OXCT1: variants seen among roughly 807,000 people sequenced by gnomAD.
OXCT1 encodes the protein 3-oxoacid CoA-transferase 1.
A neutral mutation model predicts 69.6 loss-of-function variants in OXCT1; 27 were observed. The ratio of observed to expected loss-of-function variants is 0.39; its 90% confidence interval spans 0.29 to 0.54. The LOEUF (loss-of-function observed/expected upper bound fraction) is 0.54. Among genes scored for constraint, OXCT1 ranks in the 20% least tolerant of loss-of-function variants. The pLI is 0.72. For missense variants in OXCT1, 437 were observed against 650.2 expected (o/e 0.67, Z 3.57); for synonymous variants, 202 against 217.8 (o/e 0.93, Z 0.64).
rs1248343824 is a variant in OXCT1, at chr5:41,870,290, G to C, written c.69C>G (p.Thr23=). ...TTCCCCCGCACTTTACCTTGTACCA[G>C]GTTGCCCCAGATCCGCGGGCAGAGG... ...LCASARGSGA[T]WYKGCVCSFS... The change falls in exon 1 of 17, where the codon ACC becomes ACG. Residue 23 remains threonine (T), a synonymous_variant. Transcript: ENST00000196371. This position sits in a 1 kb window ranked among gnomAD's most constrained non-coding sequence, Gnocchi z 4.2. 6.2e-7 allele frequency: 1 copy of C among 1,613,510 alleles called. No individual in the cohort carries two copies. Among genetic ancestry groups the C allele is most frequent in the South Asian group, 1.1e-5 (1 of 91,068 alleles).
At chr5:41,774,644 C>T (rs113596438) in intron 13 of OXCT1, among the ~76,000 whole-genome samples, 14,563 of 152,162 alleles carry the variant, frequency 0.096, 926 homozygotes, top group Middle Eastern at 0.15. Flanking sequence ...GCCTGTAATC[C>T]CAGCACTCTG....
At chr5:41,812,741 G>C (rs1747045269) in intron 7 of OXCT1, among the ~76,000 whole-genome samples, 1 of 151,956 alleles carries the variant, frequency 6.6e-6, no homozygotes, top group Non-Finnish European at 1.5e-5. Context: ...CAGGGAGAAA[G>C]AAAGTAGAAC....
intron 7 of OXCT1, among the ~76,000 whole-genome samples, chr5:41,818,803 A>G (rs1307898844): frequency 6.6e-6 from 1 of 152,130 alleles, no homozygotes; most frequent in Non-Finnish European, 1.5e-5. Flanking sequence ...GGGGTCAATG[A>G]ATCATATTTA....
intron 13 of OXCT1, among the ~76,000 whole-genome samples, chr5:41,787,042 C>T (rs893736003): frequency 4.6e-5 from 7 of 152,020 alleles, no homozygotes; most frequent in South Asian, 2.1e-4. Context: ...TGCCAAATAA[C>T]GCAAGAAAAT....
intron 16 of OXCT1, among the ~76,000 whole-genome samples, chr5:41,735,857 C>T (rs539732320): frequency 1.3e-5 from 2 of 152,340 alleles, no homozygotes; most frequent in South Asian, 2.1e-4. Context: ...TCATTGAGGT[C>T]TTCACCTAGA....
At chr5:41,846,973 G>A (rs936532930) in intron 5 of OXCT1, among the ~76,000 whole-genome samples, 2 of 151,990 alleles carry the variant, frequency 1.3e-5, no homozygotes, top group Non-Finnish European at 2.9e-5. Context: ...TTTTTGATGG[G>A]GTTGTTTTTT....
intron 14 of OXCT1, among the ~76,000 whole-genome samples, chr5:41,750,135 G>GTTTTTTTTTGT: frequency 1.4e-5 from 1 of 73,924 alleles, no homozygotes; most frequent in Non-Finnish European, 2.5e-5. Context: ...GTGTTTTTTG[G>GTTTTTTTTTGT]TTTTTTTTTT....
chr5:41,849,701 A>G (rs1749089494), intron 5 of OXCT1, among the ~76,000 whole-genome samples: 2 of 152,196 alleles, frequency 1.3e-5, no homozygotes, highest in Admixed American at 6.5e-5. Context: ...TACCACAACT[A>G]CTTTATTTTC....
chr5:41,796,063 G>A (rs1370880242), intron 11 of OXCT1, among the ~76,000 whole-genome samples: 2 of 152,014 alleles, frequency 1.3e-5, no homozygotes, highest in Non-Finnish European at 2.9e-5. Flanking sequence ...TAAAATCAGG[G>A]AATAACATGG....
chr5:41,754,779 T>G (rs983659374), intron 14 of OXCT1, among the ~76,000 whole-genome samples: 3 of 151,978 alleles, frequency 2.0e-5, no homozygotes, highest in Non-Finnish European at 4.4e-5. Flanking sequence ...GAACATTTGC[T>G]ATTACAAATG....
chr5:41,771,098 T>G (rs1346724631), intron 13 of OXCT1, among the ~76,000 whole-genome samples: 1 of 152,180 alleles, frequency 6.6e-6, no homozygotes, highest in Non-Finnish European at 1.5e-5. Context: ...ATGTCACAAA[T>G]GTAATAGGTT....
intron 13 of OXCT1, among the ~76,000 whole-genome samples, chr5:41,764,769 C>T (rs1744516131): frequency 6.6e-6 from 1 of 152,122 alleles, no homozygotes; most frequent in Non-Finnish European, 1.5e-5. Context: ...ACTGAGGATG[C>T]AACTGCTAAC....
chr5:41,859,877 ATAT>A (rs1749642162), intron 3 of OXCT1, among the ~76,000 whole-genome samples: 2 of 120,966 alleles, frequency 1.7e-5, no homozygotes, highest in African/African-American at 5.5e-5. Flanking sequence ...ATATATATAT[ATAT>A]ATATATGTAA....
intron 7 of OXCT1, among the ~76,000 whole-genome samples, chr5:41,834,241 G>T (rs997188390): frequency 6.6e-6 from 1 of 151,476 alleles, no homozygotes; most frequent in African/African-American, 2.4e-5. Flanking sequence ...AGGAAGGAAA[G>T]AAGAAAGAAG....
At position 41,853,344 on chromosome 5, in the gene OXCT1, C is replaced by A. The variant is rs535872801; in HGVS notation, c.414+75G>T. 5.1e-4 allele frequency: 726 copies of A among 1,410,812 alleles called. 10 individuals are homozygous for A. In the South Asian group the frequency reaches 8.0e-3, roughly 16 times the overall value. The allele number at this position is 1,410,812 out of a possible 1,614,324, so 87.4% of individuals were successfully genotyped here. ...TTCCTTCTGCCTTACCTCTTTTGCA[C>A]AAAGAAATTTCCACGGAGAAAAAAG... On this transcript the variant is annotated intron_variant, in intron 4 of 16. Coordinates refer to ENST00000196371, the MANE Select transcript of OXCT1 (RefSeq NM_000436.4).
intron 3 of OXCT1, among the ~76,000 whole-genome samples, chr5:41,857,674 C>T (rs1749495623): frequency 6.6e-6 from 1 of 152,208 alleles, no homozygotes; most frequent in Non-Finnish European, 1.5e-5. Context: ...TCCCTGCCTT[C>T]ACTCCTTCAG....
chr5:41,807,283 C>G (rs760268015), intron 8 of OXCT1, 48 bp downstream of exon 8: 1 of 1,015,376 alleles, frequency 9.8e-7, no homozygotes, highest in East Asian at 2.4e-5. Context: ...GATGCACTAT[C>G]TCTGTAACTG....
Position 41,794,081 on chromosome 5 carries a change from G to T in OXCT1, c.1173-3C>A. 1 of 1,608,654 alleles carries T rather than the reference G, an allele frequency of 6.2e-7. No homozygotes were observed. The highest frequency in any genetic ancestry group is 1.1e-5 in the South Asian group (1 of 90,946). ...GCATTGTCAGATCGACGTGTCCACT[G>T]AGAAAGAAAGAGGAAGAATAAAGTG... is the stretch of plus-strand genomic sequence containing the variant. On this transcript the variant is annotated splice_region_variant and splice_polypyrimidine_tract_variant and intron_variant, in intron 12 of 16. Coordinates refer to ENST00000196371, the MANE Select transcript of OXCT1 (RefSeq NM_000436.4).
chr5:41,761,740 C>T (rs75817928), intron 14 of OXCT1, among the ~76,000 whole-genome samples: 1,769 of 152,202 alleles, frequency 0.012, 31 homozygotes, highest in Middle Eastern at 0.034. Context: ...TTTCATTTCA[C>T]GCACAGATAG....
Sources: gnomAD v4.1 joint callset for allele counts (sites outside exome capture counted in the v4.1 genomes callset) on GRCh38, gnomAD v4.1.1 for gene constraint, Gnocchi (gnomAD v3.1) non-coding constraint, MANE v1.5 for transcripts, NCBI Gene and HGNC (gene_info 2026-07-23, HGNC 2026-07-21) for gene names.